The following GALNTL6 variants were observed in gnomAD, a reference collection of about 807,000 sequenced individuals.
The protein encoded by GALNTL6 is polypeptide N-acetylgalactosaminyltransferase like 6.
GALNTL6 carries 46 observed loss-of-function variants against 73.7 expected under a neutral mutation model. That is an observed-to-expected ratio of 0.62 (90% confidence interval 0.49 to 0.80). GALNTL6 has a LOEUF of 0.80. Ranked by LOEUF, GALNTL6 falls within the 30% of genes least tolerant of loss-of-function variation. GALNTL6 has a pLI of 0.00. For missense variants in GALNTL6, 604 were observed against 755.0 expected (o/e 0.80, Z 2.34); for synonymous variants, 259 against 263.7 (o/e 0.98, Z 0.17).
In GALNTL6 at chr4:172,052,536, C is replaced by G. The variant is rs76226489; in HGVS notation, c.139-177120C>G. ...GTGCATGAGCTGGTTTACCAGGTAA[C>G]CGGTAAAAAGCAAACGGCTGCAGTG... is the stretch of plus-strand genomic sequence containing the variant. On this transcript the variant is annotated intron_variant, in intron 2 of 12. Coordinates refer to ENST00000506823, the MANE Select transcript of GALNTL6 (RefSeq NM_001034845.3). 3.3e-5 allele frequency: 51 copies of G among 1,532,546 alleles called. No homozygotes were observed. The African/African-American group carries it at 6.8e-4, about 21-fold the overall frequency. 94.9% of individuals were successfully genotyped at this position (1,532,546 alleles called of 1,614,324 possible). A position where few individuals can be genotyped will look rare whatever the true frequency, so the allele number is the denominator to read the frequency against.
rs553197231 is a variant in GALNTL6 at position 172,292,026 on chromosome 4, A to G, written c.248-19588A>G. Reference sequence around the variant, plus strand: ...TCACCAAATTATCTGTTCAAGTTCAACACTCACTCATACATTCATTGTATA... The same window carrying G: ...TCACCAAATTATCTGTTCAAGTTCAGCACTCACTCATACATTCATTGTATA... On this transcript the variant is annotated intron_variant, in intron 3 of 12. Transcript: ENST00000506823. Among the ~76,000 whole-genome samples, 301 of 152,240 alleles carry G rather than the reference A, an allele frequency of 2.0e-3. 1 individual carries two copies. The highest frequency in any genetic ancestry group is 6.8e-3 in the African/African-American group (283 of 41,566).
At chr4:172,088,267 T>C (rs1276910396) in intron 2 of GALNTL6, among the ~76,000 whole-genome samples, 1 of 152,232 alleles carries the variant, frequency 6.6e-6, no homozygotes, top group Non-Finnish European at 1.5e-5. Flanking sequence ...GCTTTATGCT[T>C]TCACTATTAC....
intron 3 of GALNTL6, among the ~76,000 whole-genome samples, chr4:172,306,559 C>T (rs984403647): frequency 6.6e-6 from 1 of 152,238 alleles, no homozygotes; most frequent in Non-Finnish European, 1.5e-5. Context: ...TTTGGGTGTA[C>T]CCATCACCTA....
At chr4:172,648,651 C>T (rs1740347478) in intron 5 of GALNTL6, among the ~76,000 whole-genome samples, 1 of 152,156 alleles carries the variant, frequency 6.6e-6, no homozygotes, top group Non-Finnish European at 1.5e-5. Flanking sequence ...CAGTATAATA[C>T]ATGCTGAGTC....
intron 5 of GALNTL6, among the ~76,000 whole-genome samples, chr4:172,773,256 G>T (rs1187193219): frequency 6.6e-6 from 1 of 152,104 alleles, no homozygotes; most frequent in Non-Finnish European, 1.5e-5. Flanking sequence ...CTGCAGTACA[G>T]TGGCACGATC....
At chr4:172,746,239 A>G (rs1199250855) in intron 5 of GALNTL6, among the ~76,000 whole-genome samples, 1 of 152,126 alleles carries the variant, frequency 6.6e-6, no homozygotes, top group Non-Finnish European at 1.5e-5. Context: ...GATAATAAAA[A>G]TCTACCACAC....
At chr4:172,268,970 T>C (rs563539722) in intron 3 of GALNTL6, among the ~76,000 whole-genome samples, 15 of 152,236 alleles carry the variant, frequency 9.9e-5, no homozygotes, top group African/African-American at 3.4e-4. Context: ...GCAGCCCAAG[T>C]TGACTAAGAG....
chr4:172,537,519 T>C (rs1329530883), intron 5 of GALNTL6, among the ~76,000 whole-genome samples: 8 of 152,236 alleles, frequency 5.3e-5, no homozygotes, highest in Admixed American at 5.2e-4. Flanking sequence ...GAGGCCTCCC[T>C]GGCCCAGCCA....
chr4:172,716,289 C>T (rs1349581781), intron 5 of GALNTL6, among the ~76,000 whole-genome samples: 1 of 152,142 alleles, frequency 6.6e-6, no homozygotes, highest in Non-Finnish European at 1.5e-5. Flanking sequence ...TAAGCCAATG[C>T]TTCTCAAACT....
chr4:172,571,131 A>G (rs1390599757), intron 5 of GALNTL6, among the ~76,000 whole-genome samples: 2 of 152,190 alleles, frequency 1.3e-5, no homozygotes, highest in African/African-American at 4.8e-5. Context: ...TGGGGACCCT[A>G]GTTTAAGCCA....
chr4:172,683,882 G>C (rs954442551), intron 5 of GALNTL6, among the ~76,000 whole-genome samples: 2 of 152,084 alleles, frequency 1.3e-5, no homozygotes, highest in Admixed American at 6.6e-5. Flanking sequence ...TAGCTTTTTC[G>C]TGTTAGCAGT....
chr4:171,935,436 A>G (rs992393209), intron 2 of GALNTL6, among the ~76,000 whole-genome samples: 1 of 152,214 alleles, frequency 6.6e-6, no homozygotes, highest in Non-Finnish European at 1.5e-5. Context: ...TAATAAGGCT[A>G]CATTGACCCT....
At chr4:171,943,571 C>A (rs1445715427) in intron 2 of GALNTL6, among the ~76,000 whole-genome samples, 1 of 152,100 alleles carries the variant, frequency 6.6e-6, no homozygotes, top group Non-Finnish European at 1.5e-5. Flanking sequence ...CATGCTAGAC[C>A]AACTAACTCT....
intron 5 of GALNTL6, among the ~76,000 whole-genome samples, chr4:172,428,802 T>G (rs1731321749): frequency 6.6e-6 from 1 of 152,192 alleles, no homozygotes; most frequent in Admixed American, 6.5e-5. Context: ...GAACGAAAAC[T>G]AAAGTATGTT....
intron 5 of GALNTL6, among the ~76,000 whole-genome samples, chr4:172,618,426 A>T (rs1738828032): frequency 6.6e-6 from 1 of 152,150 alleles, no homozygotes; most frequent in Non-Finnish European, 1.5e-5. Flanking sequence ...TCTCACTAAT[A>T]TTCTACTCCC....
intron 4 of GALNTL6, among the ~76,000 whole-genome samples, chr4:172,340,836 G>T (rs1284618636): frequency 6.6e-6 from 1 of 152,124 alleles, no homozygotes; most frequent in African/African-American, 2.4e-5. Context: ...CCATTCTTGG[G>T]TTTTATTCTC....
intron 5 of GALNTL6, among the ~76,000 whole-genome samples, chr4:172,754,854 A>G (rs923406539): frequency 6.6e-6 from 1 of 151,926 alleles, no homozygotes; most frequent in Non-Finnish European, 1.5e-5. Flanking sequence ...AAAAAAAAAA[A>G]AAAAGAAAAT....
chr4:172,283,861 C>T (rs1739154633), intron 3 of GALNTL6, among the ~76,000 whole-genome samples: 1 of 152,122 alleles, frequency 6.6e-6, no homozygotes, highest in African/African-American at 2.4e-5. Flanking sequence ...CATTCATCAC[C>T]TTCAAGAGAA....
At chr4:172,331,199 C>A (rs1046505523) in intron 4 of GALNTL6, among the ~76,000 whole-genome samples, 6 of 150,612 alleles carry the variant, frequency 4.0e-5, no homozygotes, top group Admixed American at 6.6e-5. Context: ...TTACTCTCAT[C>A]AGAACACTTA....
Sources: allele counts gnomAD v4.1 joint callset (sites outside exome capture counted in the v4.1 genomes callset), GRCh38; gene constraint gnomAD v4.1.1; transcripts MANE v1.5; gene names NCBI Gene and HGNC (gene_info 2026-07-23, HGNC 2026-07-21).